Variants in PUS7L observed in about 807,000 individuals in gnomAD.
The protein encoded by PUS7L is pseudouridine synthase 7 like.
PUS7L carries 49 observed loss-of-function variants against 51.1 expected under a neutral mutation model. That is an observed-to-expected ratio of 0.96 (90% CI 0.76 to 1.22). The LOEUF (loss-of-function observed/expected upper bound fraction) is 1.22, where lower values mean the gene tolerates loss of function less well. Ranked by LOEUF, PUS7L falls within the 50% of genes most tolerant of loss-of-function variation. The probability of loss-of-function intolerance (pLI) is 0.00; values close to 1 mark genes in which losing one functional copy is unlikely to be tolerated. For missense variants in PUS7L, 828 were observed against 820.6 expected (o/e 1.01, Z -0.11); for synonymous variants, 277 against 276.2 (o/e 1.00, Z -0.03).
Position 43,729,061 on chromosome 12 carries a change from TA to T in PUS7L, c.*1314del, listed in dbSNP as rs1944494341. On this transcript the variant is annotated 3_prime_UTR_variant, in exon 9 of 9. Transcript: ENST00000344862. ...AGTTGTAACATATGTGTTCTACTTT[TA>T]GGGGGCAACATTTTCTCATGAAACT... 1.0e-5 allele frequency: 4 copies of T among 388,442 alleles called. No individual in the cohort carries two copies. Among genetic ancestry groups the T allele is most frequent in the Non-Finnish European group, 1.8e-5 (4 of 219,568 alleles). 24.1% of individuals were successfully genotyped at this position (388,442 alleles called of 1,614,324 possible).
rs1405161360 is a variant in PUS7L, at chr12:43,719,700, T to A, written c.*10676A>T. 6.6e-6 allele frequency: 1 copy of A among 152,204 alleles called. No homozygotes were observed. The highest frequency in any genetic ancestry group is 2.4e-5 in the African/African-American group (1 of 41,446). 9.4% of individuals were successfully genotyped at this position (152,204 alleles called of 1,614,324 possible). On this transcript the variant is annotated 3_prime_UTR_variant, in exon 9 of 9. Transcript: ENST00000344862. Reference sequence around the variant, plus strand: ...ATAACATAATACTGTCAAATTATATTTTTAAATGAATTTTCCATTTTATCT... The same window carrying A: ...ATAACATAATACTGTCAAATTATATATTTAAATGAATTTTCCATTTTATCT...
chr12:43,745,197 T>C (rs2137718977), intron 4 of PUS7L, among the ~76,000 whole-genome samples: 1 of 152,350 alleles, frequency 6.6e-6, no homozygotes, highest in East Asian at 1.9e-4. Context: ...TAAGATGGTC[T>C]AGTCTTGAAA....
chr12:43,736,420 C>G lies in PUS7L; in HGVS notation c.1686G>C (p.Leu562Phe). 1 of 1,614,134 alleles carries G rather than the reference C, an allele frequency of 6.2e-7. No homozygotes were observed. Among genetic ancestry groups the G allele is most frequent in the South Asian group, 1.1e-5 (1 of 91,082 alleles). The change falls in exon 7 of 9, where the codon TTG (leucine) becomes TTC (phenylalanine). Residue 562 changes from leucine (L) to phenylalanine (F), a missense_variant. Leu to Phe is a conservative substitution (Grantham distance 22, BLOSUM62 0). Coordinates refer to ENST00000344862, the MANE Select transcript of PUS7L (RefSeq NM_031292.5). ...AATTCTCGTCATCAATGTCTTCATCCAAACAGACCAAATCACCCTGCACTA... is the reference window on the plus strand; with the variant it reads ...AATTCTCGTCATCAATGTCTTCATCGAAACAGACCAAATCACCCTGCACTA... Reference protein sequence around the residue: ...ARVVQGDLVCLDEDIDDENFP... With the variant: ...ARVVQGDLVCFDEDIDDENFP...
Position 43,730,208 on chromosome 12 carries a change from C to T in PUS7L, c.*168G>A, listed in dbSNP as rs1190511915. 5.0e-6 allele frequency: 3 copies of T among 603,372 alleles called. No individual in the cohort carries two copies. The highest frequency in any genetic ancestry group is 5.5e-5 in the East Asian group (2 of 36,044). 37.4% of individuals were successfully genotyped at this position (603,372 alleles called of 1,614,324 possible). A position where few individuals can be genotyped will look rare whatever the true frequency, so the allele number is the denominator to read the frequency against. Reference sequence around the variant, plus strand: ...CCTTAAATTTGGACCCTGACACTTACATATCCTCTATAAAATTACAGTATC... The same window carrying T: ...CCTTAAATTTGGACCCTGACACTTATATATCCTCTATAAAATTACAGTATC... On this transcript the variant is annotated 3_prime_UTR_variant, in exon 9 of 9. Coordinates refer to ENST00000344862, the MANE Select transcript of PUS7L (RefSeq NM_031292.5).
chr12:43,735,247 G>A (rs1944658700), intron 7 of PUS7L, among the ~76,000 whole-genome samples: 1 of 151,926 alleles, frequency 6.6e-6, no homozygotes, highest in Non-Finnish European at 1.5e-5. Flanking sequence ...AACCCGGGAG[G>A]CAGAGCTTGC....
rs939687642 is a variant in PUS7L at position 43,750,606 on chromosome 12, G to C, written c.911-1997C>G. On this transcript the variant is annotated intron_variant, in intron 2 of 8. Coordinates refer to ENST00000344862, the MANE Select transcript of PUS7L (RefSeq NM_031292.5). ...TTTAGAGACTTCCACTTTGAGCCCT[G>C]TTGGAATAACTGACACCAGATGACC... Among the ~76,000 whole-genome samples the C allele has an allele frequency of 3.3e-5, 5 of 152,236 alleles. No homozygotes were observed. The East Asian group carries it at 7.7e-4, about 23-fold the overall frequency.
intron 7 of PUS7L, 149 bp downstream of exon 7, chr12:43,736,232 G>C: frequency 2.9e-6 from 2 of 688,070 alleles, no homozygotes; most frequent in South Asian, 4.0e-5. Flanking sequence ...ACTGACAGCA[G>C]ACTTGAAGCA....
chr12:43,749,312 C>T (rs1357519868), intron 2 of PUS7L, among the ~76,000 whole-genome samples: 2 of 152,128 alleles, frequency 1.3e-5, no homozygotes, highest in East Asian at 3.9e-4. Context: ...ATGTGTTCCC[C>T]TTGTATGTTC....
intron 2 of PUS7L, among the ~76,000 whole-genome samples, chr12:43,749,993 C>A (rs545199422): frequency 6.6e-6 from 1 of 152,320 alleles, no homozygotes; most frequent in East Asian, 1.9e-4. Context: ...ATCTCAGCAT[C>A]ACACAATATA....
At chr12:43,740,828 T>C (rs941701574) in intron 5 of PUS7L, 2 of 152,154 alleles carry the variant, frequency 1.3e-5, no homozygotes, top group African/African-American at 4.8e-5. Flanking sequence ...CTTGGACTTA[T>C]CTCTCTAGGA....
rs1003624674 is a variant in PUS7L at position 43,730,603 on chromosome 12, T to C, written c.1879A>G (p.Arg627Gly). 1.9e-6 allele frequency: 3 copies of C among 1,613,526 alleles called. No individual in the cohort carries two copies. The highest frequency in any genetic ancestry group is 1.7e-5 in the Admixed American group (1 of 60,014). ...AGTTTCAGAGTAGGTACTTTAAACC[T>C]ACATGTCTGTAGTCCATCTCTGCTA... ...ILSRDGLQTCRFKVPTLKLNI... is the reference protein window; with the variant it reads ...ILSRDGLQTCGFKVPTLKLNI... Residue 627 changes from arginine to glycine, a missense_variant, in exon 9 of 9, where the codon AGG (arginine) becomes GGG (glycine). Physicochemically the swap from Arg to Gly is moderately radical, Grantham distance 125. Coordinates refer to ENST00000344862, the MANE Select transcript of PUS7L (RefSeq NM_031292.5).
In PUS7L at chr12:43,735,707, G is replaced by A. The variant is rs186626359; in HGVS notation, c.1725+674C>T. On this transcript the variant is annotated intron_variant, in intron 7 of 8. Transcript: ENST00000344862. ...AGAAAGACACATAACAAACAACAGA[G>A]GTTGAGTCTCTGGAGGAAGCACAGG... Among the ~76,000 whole-genome samples, 45 of 151,998 alleles carry A rather than the reference G, an allele frequency of 3.0e-4. 1 individual carries two copies. In the East Asian group the frequency reaches 8.0e-3, roughly 27 times the overall value.
At chr12:43,740,249 G>T (rs1937831739) in intron 5 of PUS7L, among the ~76,000 whole-genome samples, 1 of 152,094 alleles carries the variant, frequency 6.6e-6, no homozygotes, top group Non-Finnish European at 1.5e-5. Context: ...AGTAGGAAAG[G>T]ATCTTAAATA....
At position 43,728,144 on chromosome 12, in the gene PUS7L, T is replaced by C. The variant is rs1180380297; in HGVS notation, c.*2232A>G. ...AAAAACCTAAGTGACTAGTCATCAG[T>C]TGGTCCAAAGCATACTATTAATAAT... On this transcript the variant is annotated 3_prime_UTR_variant, in exon 9 of 9. Coordinates refer to ENST00000344862, the MANE Select transcript of PUS7L (RefSeq NM_031292.5). 2 of 151,640 alleles carry C rather than the reference T, an allele frequency of 1.3e-5. No homozygotes were observed. The highest frequency in any genetic ancestry group is 4.8e-5 in the African/African-American group (2 of 41,314). 9.4% of individuals were successfully genotyped at this position (151,640 alleles called of 1,614,324 possible).
chr12:43,749,090 T>C (rs1418069785), intron 2 of PUS7L, among the ~76,000 whole-genome samples: 2 of 152,246 alleles, frequency 1.3e-5, no homozygotes, highest in East Asian at 3.8e-4. Flanking sequence ...TTTAAACTGC[T>C]GGTTGGCTCA....
rs1437088562 is a variant in PUS7L at position 43,724,419 on chromosome 12, G to T, written c.*5957C>A. Reference sequence around the variant, plus strand: ...AAATTTTATCAGGGAGCATAGTAAAGTAATACTAACTGTAATAATACTAGC... The same window carrying T: ...AAATTTTATCAGGGAGCATAGTAAATTAATACTAACTGTAATAATACTAGC... On this transcript the variant is annotated 3_prime_UTR_variant, in exon 9 of 9. Coordinates refer to ENST00000344862, the MANE Select transcript of PUS7L (RefSeq NM_031292.5). 6.6e-6 allele frequency: 1 copy of T among 151,990 alleles called. No individual in the cohort carries two copies. The highest frequency in any genetic ancestry group is 2.4e-5 in the African/African-American group (1 of 41,410). 9.4% of individuals were successfully genotyped at this position (151,990 alleles called of 1,614,324 possible).
chr12:43,743,631 C>T (rs1467797963), intron 4 of PUS7L, among the ~76,000 whole-genome samples: 2 of 151,934 alleles, frequency 1.3e-5, no homozygotes, highest in African/African-American at 2.4e-5. Context: ...GGCGTGGTGG[C>T]GGGCACCTGT....
intron 2 of PUS7L, among the ~76,000 whole-genome samples, chr12:43,751,379 G>A (rs1373760483): frequency 7.7e-6 from 1 of 130,062 alleles, no homozygotes; most frequent in African/African-American, 3.0e-5. Flanking sequence ...CCCAGTGTGT[G>A]ACGTTCCCCT....
At chr12:43,752,677 T>G (rs1368509686) in intron 2 of PUS7L, among the ~76,000 whole-genome samples, 1 of 152,012 alleles carries the variant, frequency 6.6e-6, no homozygotes, top group African/African-American at 2.4e-5. Flanking sequence ...ACACCTAGAG[T>G]TGTCTAATCC....
Sources: allele counts gnomAD v4.1 joint callset (sites outside exome capture counted in the v4.1 genomes callset), GRCh38; gene constraint gnomAD v4.1.1; transcripts MANE v1.5; gene names NCBI Gene and HGNC (gene_info 2026-07-23, HGNC 2026-07-21).